SFI1: variants seen among roughly 807,000 people sequenced by gnomAD.
SFI1 encodes the protein protein SFI1 homolog.
SFI1 carries 195 observed loss-of-function variants against 207.5 expected under a neutral mutation model. The observed-to-expected ratio is 0.94, with a 90% CI of 0.84 to 1.06. The LOEUF is 1.06. SFI1 is among the 50% of genes least tolerant of loss of function. The pLI is 0.00. For missense variants in SFI1, 1,634 were observed against 1,588.0 expected (o/e 1.03, Z -0.49); for synonymous variants, 630 against 598.9 (o/e 1.05, Z -0.76).
intron 4 of SFI1, among the ~76,000 whole-genome samples, chr22:31,546,366 CTG>C (rs1188053942): frequency 6.6e-6 from 1 of 151,780 alleles, no homozygotes; most frequent in Admixed American, 6.6e-5. Context: ...GAGTCTTGCT[CTG>C]TCATCAGGCT....
intron 4 of SFI1, among the ~76,000 whole-genome samples, chr22:31,541,840 C>A (rs1023501713): frequency 8.6e-5 from 13 of 151,326 alleles, no homozygotes; most frequent in Admixed American, 7.2e-4. Context: ...TAGTGGCTCA[C>A]GCCTGTAATC....
chr22:31,583,974 T>C lies in SFI1; in HGVS notation c.1346+2T>C, dbSNP rs758261798. 1.4e-5 allele frequency: 23 copies of C among 1,612,258 alleles called. No homozygotes were observed. The highest frequency in any genetic ancestry group is 1.8e-5 in the Non-Finnish European group (21 of 1,178,514). ...GCATGCTGCCTGGGACCACTACAGG[T>C]AGGGACTCTGGTTTCATCCCTGGCT... On this transcript the variant is annotated splice_donor_variant, in intron 13 of 32. Coordinates refer to ENST00000400288, the MANE Select transcript of SFI1 (RefSeq NM_001007467.3). LOFTEE classifies it high-confidence loss of function.
At chr22:31,593,079 G>A (rs1286873094) in intron 15 of SFI1, among the ~76,000 whole-genome samples, 2 of 144,820 alleles carry the variant, frequency 1.4e-5, no homozygotes, top group African/African-American at 5.2e-5. Flanking sequence ...GGCCGGGCGG[G>A]GGGGCTGACC....
chr22:31,604,796 C>G, intron 19 of SFI1, 73 bp from the exon 20 acceptor site: 1 of 1,376,384 alleles, frequency 7.3e-7, no homozygotes, highest in East Asian at 2.4e-5. Flanking sequence ...GTGGTAGATG[C>G]ACCTCTGAGG....
intron 8 of SFI1, among the ~76,000 whole-genome samples, chr22:31,569,919 GC>G (rs2062769941): frequency 6.8e-6 from 1 of 147,884 alleles, no homozygotes; most frequent in African/African-American, 2.5e-5. Flanking sequence ...CTGCCCTCTA[GC>G]CTGGGCAATG....
intron 8 of SFI1, 34 bp from the exon 9 acceptor site, chr22:31,573,024 C>T (rs2063114491): frequency 6.2e-7 from 1 of 1,605,880 alleles, no homozygotes; most frequent in Non-Finnish European, 8.5e-7. Context: ...TTTCCTGCCT[C>T]TCCTTTGACT....
Position 31,573,084 on chromosome 22 carries a change from C to T in SFI1, c.792C>T (p.Leu264=). 1 of 1,611,690 alleles carries T rather than the reference C, an allele frequency of 6.2e-7. No homozygotes were observed. The highest frequency in any genetic ancestry group is 1.1e-5 in the South Asian group (1 of 90,760). Reference sequence around the variant, plus strand: ...CTTGGTCACAGTGGCGGGAACAGCTCCTGTATGTCCAGAAGGAGAAACAAA... The same window carrying T: ...CTTGGTCACAGTGGCGGGAACAGCTTCTGTATGTCCAGAAGGAGAAACAAA... The part of the protein sequence containing the change: ...VQAWSQWREQ[L]LYVQKEKQKV... The change falls in exon 9 of 33, where the codon CTC becomes CTT. Residue 264 remains leucine (L), a synonymous_variant. Coordinates refer to ENST00000400288, the MANE Select transcript of SFI1 (RefSeq NM_001007467.3).
In SFI1 at chr22:31,580,371, G is replaced by A. The variant is rs144546666; in HGVS notation, c.1248+7G>A. ...CCAGCAGCATGGTGTCACGGTGAGG[G>A]TTGTCTTCTGTATCAAGGGACCTCT... On this transcript the variant is annotated splice_region_variant and intron_variant, in intron 12 of 32. Transcript: ENST00000400288. 6.2e-7 allele frequency: 1 copy of A among 1,610,724 alleles called. No individual in the cohort carries two copies. Among genetic ancestry groups the A allele is most frequent in the Admixed American group, 1.7e-5 (1 of 59,968 alleles).
upstream of SFI1, chr22:31,496,488 C>G (rs1326768966): frequency 6.6e-6 from 1 of 152,406 alleles, no homozygotes; most frequent in Non-Finnish European, 1.5e-5. Context: ...GCCGTGGAGA[C>G]GAGGGCGGGC....
Position 31,604,898 on chromosome 22 carries a change from C to T in SFI1, c.2007C>T (p.Leu669=), listed in dbSNP as rs536019271. ...VTYQGRVRSI[L]REVAARESQH... ...ACCAGGGCAGGGTGCGAAGCATCCT[C>T]CGGGAGGTGGCAGCCAGGGAGAGCC... The change falls in exon 20 of 33, where the codon CTC becomes CTT. Residue 669 remains leucine (L), a synonymous_variant. Coordinates refer to ENST00000400288, the MANE Select transcript of SFI1 (RefSeq NM_001007467.3). The T allele has an allele frequency of 9.3e-6, 15 of 1,611,952 alleles. No individual in the cohort carries two copies. The African/African-American group carries it at 1.9e-4, about 20-fold the overall frequency.
At chr22:31,609,689 T>C (rs1381805161) in intron 22 of SFI1, among the ~76,000 whole-genome samples, 1 of 152,248 alleles carries the variant, frequency 6.6e-6, no homozygotes, top group Non-Finnish European at 1.5e-5. Context: ...CCCACACGGC[T>C]GCATTACTGC....
intron 2 of SFI1, among the ~76,000 whole-genome samples, chr22:31,515,233 A>G (rs2056318332): frequency 6.6e-6 from 1 of 152,062 alleles, no homozygotes; most frequent in Non-Finnish European, 1.5e-5. Flanking sequence ...GAATTGTTTG[A>G]ACCAGTTTAT....
At chr22:31,522,687 C>T (rs9609311) in intron 2 of SFI1, among the ~76,000 whole-genome samples, 25,181 of 152,008 alleles carry the variant, frequency 0.17, 2,672 homozygotes, top group Non-Finnish European at 0.23. Flanking sequence ...GATGGAGTCT[C>T]GCTCTGTCAC....
rs977141781 is a variant in SFI1 at position 31,580,177 on chromosome 22, G to T, written c.1156-95G>T. On this transcript the variant is annotated intron_variant, in intron 11 of 32. Coordinates refer to ENST00000400288, the MANE Select transcript of SFI1 (RefSeq NM_001007467.3). ...AGAAGCTGTGACCAAGCTTCTCCCC[G>T]CTGATTTGAGGCACTGTTTGCCTTC... 8.2e-6 allele frequency: 7 copies of T among 857,898 alleles called. No homozygotes were observed. In the Admixed American group the frequency reaches 1.6e-4, roughly 20 times the overall value. 53.1% of individuals were successfully genotyped at this position (857,898 alleles called of 1,614,324 possible).
intron 1 of SFI1, among the ~76,000 whole-genome samples, chr22:31,498,402 G>C (rs894981529): frequency 6.6e-6 from 1 of 152,080 alleles, no homozygotes; most frequent in African/African-American, 2.4e-5. Context: ...AGGATTTCTA[G>C]GTGCCATTAA....
At chr22:31,523,807 GT>G (rs967784507) in intron 2 of SFI1, among the ~76,000 whole-genome samples, 1 of 151,158 alleles carries the variant, frequency 6.6e-6, no homozygotes, top group African/African-American at 2.4e-5. Flanking sequence ...GAATCAGGGT[GT>G]TTTTTTTTAC....
intron 7 of SFI1, among the ~76,000 whole-genome samples, chr22:31,560,250 A>C (rs1447255802): frequency 6.7e-6 from 1 of 149,794 alleles, no homozygotes; most frequent in Non-Finnish European, 1.5e-5. Context: ...GCAAATTCGA[A>C]AATTAGTAGG....
chr22:31,552,738 G>A (rs557425134), intron 6 of SFI1, among the ~76,000 whole-genome samples: 2 of 152,208 alleles, frequency 1.3e-5, no homozygotes, highest in African/African-American at 4.8e-5. Flanking sequence ...TTAGTTCTTT[G>A]AGAAATCTCC....
intron 14 of SFI1, chr22:31,587,347 G>A: frequency 2.6e-6 from 1 of 377,924 alleles, no homozygotes; most frequent in South Asian, 2.0e-5. Flanking sequence ...TGTCACCCAG[G>A]CTGGAGTACA....
Sources: allele counts gnomAD v4.1 joint callset (sites outside exome capture counted in the v4.1 genomes callset), GRCh38; gene constraint gnomAD v4.1.1; transcripts MANE v1.5; gene names NCBI Gene and HGNC (gene_info 2026-07-23, HGNC 2026-07-21).